Variants in CWC27 observed in about 807,000 individuals in gnomAD.
CWC27 encodes CWC27 spliceosome associated cyclophilin, also known as spliceosome-associated protein CWC27 homolog.
A neutral mutation model predicts 63.6 loss-of-function variants in CWC27; 47 were observed. The observed-to-expected ratio is 0.74, with a 90% confidence interval of 0.58 to 0.94. The LOEUF is 0.94. Among genes scored for constraint, CWC27 ranks in the 40% least tolerant of loss-of-function variants. The pLI is 0.00. For missense variants in CWC27, 495 were observed against 554.3 expected (o/e 0.89, Z 1.07); for synonymous variants, 175 against 179.8 (o/e 0.97, Z 0.22).
intron 10 of CWC27, chr5:64,844,947 G>T (rs1362665004): frequency 4.4e-6 from 2 of 456,678 alleles, no homozygotes; most frequent in Non-Finnish European, 8.8e-6. Flanking sequence ...TAACCTTGGA[G>T]CCCAGCCTAC....
intron 6 of CWC27, among the ~76,000 whole-genome samples, chr5:64,787,995 A>G (rs1204062633): frequency 1.3e-5 from 2 of 152,166 alleles, no homozygotes; most frequent in African/African-American, 4.8e-5. Context: ...TTTCCTTGAT[A>G]TCCTACAAAT....
At chr5:64,863,029 G>T (rs551399560) in intron 10 of CWC27, among the ~76,000 whole-genome samples, 1 of 152,122 alleles carries the variant, frequency 6.6e-6, no homozygotes, top group East Asian at 1.9e-4. Flanking sequence ...CCATCACACT[G>T]GGAATTAAGT....
chr5:64,821,335 G>T (rs146705777), intron 10 of CWC27, among the ~76,000 whole-genome samples: 2 of 151,968 alleles, frequency 1.3e-5, no homozygotes, highest in African/African-American at 2.4e-5. Context: ...CACCATGCCC[G>T]GCCAACAAAG....
intron 11 of CWC27, among the ~76,000 whole-genome samples, chr5:64,936,790 C>T (rs1401020589): frequency 6.6e-6 from 1 of 152,068 alleles, no homozygotes; most frequent in African/African-American, 2.4e-5. Context: ...TGTTATTGGT[C>T]TATTCAGGGA....
intron 10 of CWC27, among the ~76,000 whole-genome samples, chr5:64,840,388 A>ATATATACAT (rs1745788679): frequency 2.2e-5 from 1 of 45,368 alleles, no homozygotes; most frequent in Non-Finnish European, 4.0e-5. Context: ...AAAAAAAAAA[A>ATATATACAT]AAAAAAATAT....
At chr5:64,801,016 T>G (rs1236967819) in intron 8 of CWC27, among the ~76,000 whole-genome samples, 1 of 152,186 alleles carries the variant, frequency 6.6e-6, no homozygotes, top group Admixed American at 6.5e-5. Context: ...AATTGTTTTT[T>G]GCAGACCATT....
intron 7 of CWC27, among the ~76,000 whole-genome samples, chr5:64,799,964 G>A (rs1744430953): frequency 6.6e-6 from 1 of 152,020 alleles, no homozygotes; most frequent in Non-Finnish European, 1.5e-5. Context: ...TTCATAGTAT[G>A]CAAATTATTA....
rs182567343 is a variant in CWC27 at position 64,907,383 on chromosome 5, A to G, written c.1042+21837A>G. Among the ~76,000 whole-genome samples, 1,066 of 152,292 alleles carry G rather than the reference A, an allele frequency of 7.0e-3. 19 individuals are homozygous for G. The highest frequency in any genetic ancestry group is 0.024 in the African/African-American group (1,003 of 41,560). On this transcript the variant is annotated intron_variant, in intron 11 of 13. Transcript: ENST00000381070. ...AGTTCTCCTTGAAGAGGTCCTTCAC[A>G]TCCCTTGTAAGTTGGATTCCTGTGT...
intron 10 of CWC27, among the ~76,000 whole-genome samples, chr5:64,818,884 C>G (rs145543753): frequency 2.0e-5 from 3 of 152,130 alleles, no homozygotes; most frequent in Non-Finnish European, 4.4e-5. Context: ...ATGTTTTGTT[C>G]CTTTTATTGT....
chr5:64,906,589 G>A lies in CWC27; in HGVS notation c.1042+21043G>A, dbSNP rs181834431. 4.7e-3 allele frequency among the ~76,000 whole-genome samples: 708 copies of A among 152,250 alleles called. 17 individuals carry two copies. Among genetic ancestry groups the A allele is most frequent in the Admixed American group, 0.042 (640 of 15,290 alleles). On this transcript the variant is annotated intron_variant, in intron 11 of 13. Coordinates refer to ENST00000381070, the MANE Select transcript of CWC27 (RefSeq NM_005869.4). Reference sequence around the variant, plus strand: ...ATATTAGCCCTTTGTCAAATGGATAGATTGCAAAAATTTTCTCCCATTCTG... The same window carrying A: ...ATATTAGCCCTTTGTCAAATGGATAAATTGCAAAAATTTTCTCCCATTCTG...
intron 10 of CWC27, among the ~76,000 whole-genome samples, chr5:64,869,523 T>C (rs1371268158): frequency 6.6e-6 from 1 of 151,930 alleles, no homozygotes; most frequent in African/African-American, 2.4e-5. Flanking sequence ...AGAAGTTAAG[T>C]CTATGAAGCC....
intron 10 of CWC27, among the ~76,000 whole-genome samples, chr5:64,856,462 G>A (rs1251683411): frequency 8.6e-6 from 1 of 116,950 alleles, no homozygotes; most frequent in Non-Finnish European, 1.7e-5. Flanking sequence ...GTGTATGTGT[G>A]TGTGTATGTG....
chr5:64,994,617 ACC>A (rs1749597209), intron 13 of CWC27, among the ~76,000 whole-genome samples: 2 of 152,126 alleles, frequency 1.3e-5, no homozygotes, highest in Non-Finnish European at 2.9e-5. Context: ...CATTTACATC[ACC>A]CCAGAACATT....
chr5:64,970,958 AGTGTGTGTGTGTGTGTGTGTGTGT>A (rs57958257), intron 11 of CWC27, among the ~76,000 whole-genome samples: 2 of 143,410 alleles, frequency 1.4e-5, no homozygotes, highest in Non-Finnish European at 3.0e-5. Context: ...AGAGAGAGGG[AGTGTGTGTGTGTGTGTGTGTGTGT>A]GTGTGTGTGT....
chr5:65,014,874 A>G (rs1461579773), intron 13 of CWC27, among the ~76,000 whole-genome samples: 2 of 152,228 alleles, frequency 1.3e-5, no homozygotes, highest in Non-Finnish European at 2.9e-5. Flanking sequence ...TTGTATTTCT[A>G]TTAAAGGTTA....
rs140329880 is a variant in CWC27, at chr5:64,822,332, G to A, written c.938+17946G>A. ...AGCTGAGCCAGATAGTTAGCTGTGTGTATACAAAGAAATCTATATAAAACA... is the reference window on the plus strand; with the variant it reads ...AGCTGAGCCAGATAGTTAGCTGTGTATATACAAAGAAATCTATATAAAACA... On this transcript the variant is annotated intron_variant, in intron 10 of 13. Transcript: ENST00000381070. 9.1e-3 allele frequency among the ~76,000 whole-genome samples: 1,390 copies of A among 152,288 alleles called. 17 individuals are homozygous for A. Among genetic ancestry groups the A allele is most frequent in the African/African-American group, 0.032 (1,334 of 41,552 alleles).
At chr5:64,867,372 G>A (rs1436999743) in intron 10 of CWC27, among the ~76,000 whole-genome samples, 1 of 152,054 alleles carries the variant, frequency 6.6e-6, no homozygotes, top group Non-Finnish European at 1.5e-5. Context: ...TTTTATGATA[G>A]ATATTACAGT....
At chr5:64,829,743 A>G (rs1745463547) in intron 10 of CWC27, among the ~76,000 whole-genome samples, 1 of 147,578 alleles carries the variant, frequency 6.8e-6, no homozygotes, top group African/African-American at 2.5e-5. Flanking sequence ...TGCTGCACCC[A>G]TCAACCCGTC....
At chr5:64,900,998 A>ATT (rs149107439) in intron 11 of CWC27, among the ~76,000 whole-genome samples, 3 of 145,478 alleles carry the variant, frequency 2.1e-5, no homozygotes, top group African/African-American at 7.5e-5. Context: ...CTTTTTTGTG[A>ATT]TTTTTTTTTT....
Sources: gnomAD v4.1 joint callset for allele counts (sites outside exome capture counted in the v4.1 genomes callset) on GRCh38, gnomAD v4.1.1 for gene constraint, MANE v1.5 for transcripts, NCBI Gene and HGNC (gene_info 2026-07-23, HGNC 2026-07-21) for gene names.